Variants in CHRM3 observed in about 807,000 individuals in gnomAD.
The protein encoded by CHRM3 is muscarinic acetylcholine receptor M3.
CHRM3 carries 11 observed loss-of-function variants against 41.8 expected under a neutral mutation model. That is an observed-to-expected ratio of 0.26 (90% CI 0.17 to 0.44). CHRM3 has a LOEUF of 0.44. CHRM3 is among the 20% of genes least tolerant of loss of function. The pLI is 1.00. For synonymous variants in CHRM3, 297 were observed against 301.4 expected (o/e 0.99, Z 0.15); for missense variants, 571 against 745.4 (o/e 0.77, Z 2.72).
At chr1:239,806,134 G>A (rs1486547917) in intron 5 of CHRM3, among the ~76,000 whole-genome samples, 2 of 152,152 alleles carry the variant, frequency 1.3e-5, no homozygotes, top group Admixed American at 6.5e-5. Flanking sequence ...CTGAGATGTC[G>A]TAATTAGCCC....
chr1:239,757,144 A>G (rs1666310846), intron 5 of CHRM3, among the ~76,000 whole-genome samples: 1 of 152,232 alleles, frequency 6.6e-6, no homozygotes, highest in Non-Finnish European at 1.5e-5. Flanking sequence ...AATGTATGAA[A>G]GGTTTTTAAA....
At chr1:239,617,957 A>C (rs1352231936) in intron 3 of CHRM3, among the ~76,000 whole-genome samples, 3 of 152,038 alleles carry the variant, frequency 2.0e-5, no homozygotes, top group African/African-American at 7.2e-5. Context: ...GTTTCCTGGC[A>C]GTATTGCTAA....
intron 5 of CHRM3, among the ~76,000 whole-genome samples, chr1:239,734,598 A>G (rs1383357597): frequency 2.0e-5 from 3 of 152,138 alleles, no homozygotes; most frequent in African/African-American, 7.2e-5. Flanking sequence ...AGGAAATGTT[A>G]TCCTTTTTGA....
intron 6 of CHRM3, among the ~76,000 whole-genome samples, chr1:239,881,152 G>A (rs1444555803): frequency 1.3e-5 from 2 of 151,620 alleles, no homozygotes; most frequent in African/African-American, 2.4e-5. Flanking sequence ...GCGTGGTGGT[G>A]GGCGCCTGTA....
At chr1:239,529,906 A>T (rs147275300) in intron 2 of CHRM3, among the ~76,000 whole-genome samples, 6,329 of 150,964 alleles carry the variant, frequency 0.042, 259 homozygotes, top group African/African-American at 0.1. Context: ...TATTATTATT[A>T]TTTTTTTTTG....
intron 5 of CHRM3, among the ~76,000 whole-genome samples, chr1:239,794,877 C>G (rs182551091): frequency 7.1e-4 from 108 of 152,220 alleles, no homozygotes; most frequent in Non-Finnish European, 1.4e-3. Context: ...TTTTAAAAAG[C>G]AGAATAGCCA....
chr1:239,759,154 TG>T (rs201694320), intron 5 of CHRM3, among the ~76,000 whole-genome samples: 3,871 of 142,698 alleles, frequency 0.027, 149 homozygotes, highest in East Asian at 0.12. Flanking sequence ...CTGAGCTTTA[TG>T]GGTTTTTTTT....
chr1:239,580,644 T>C (rs1662785263), intron 3 of CHRM3, among the ~76,000 whole-genome samples: 1 of 138,928 alleles, frequency 7.2e-6, no homozygotes, highest in Non-Finnish European at 1.5e-5. Context: ...TTGCTCTCAT[T>C]TGTATGTGAT....
At chr1:239,402,621 C>G (rs183481854) in intron 1 of CHRM3, among the ~76,000 whole-genome samples, 6 of 152,256 alleles carry the variant, frequency 3.9e-5, no homozygotes, top group African/African-American at 1.4e-4. Context: ...GGAAACCACA[C>G]TTCCAAATTT....
chr1:239,633,629 G>T (rs1398251692), intron 4 of CHRM3, among the ~76,000 whole-genome samples: 1 of 152,156 alleles, frequency 6.6e-6, no homozygotes, highest in African/African-American at 2.4e-5. Flanking sequence ...CTCAGTCATG[G>T]TCCCTGGGGA....
At chr1:239,519,872 C>T (rs1313798154) in intron 2 of CHRM3, among the ~76,000 whole-genome samples, 2 of 151,068 alleles carry the variant, frequency 1.3e-5, no homozygotes, top group African/African-American at 4.9e-5. Context: ...CTCAGCCTCC[C>T]TAGTAGCTGG....
chr1:239,803,640 T>G (rs1257452845), intron 5 of CHRM3, among the ~76,000 whole-genome samples: 3 of 152,204 alleles, frequency 2.0e-5, no homozygotes, highest in Non-Finnish European at 4.4e-5. Context: ...ATGTCAAGTT[T>G]AATCATAGAT....
chr1:239,641,816 A>T (rs1256711944), intron 4 of CHRM3, among the ~76,000 whole-genome samples: 12 of 122,578 alleles, frequency 9.8e-5, no homozygotes, highest in East Asian at 2.1e-4. Flanking sequence ...TTATGATGTT[A>T]GCTGGTTATT....
chr1:239,393,851 G>A (rs1168453377), intron 1 of CHRM3, among the ~76,000 whole-genome samples: 13 of 152,174 alleles, frequency 8.5e-5, no homozygotes, highest in Non-Finnish European at 1.5e-4. Flanking sequence ...CTTCATGAGA[G>A]TATATAAGTA....
rs549135256 is a variant in CHRM3 at position 239,651,032 on chromosome 1, C to T, written c.-250+18746C>T. ...GATTTCTGAATGGAATCATAAGGCT[C>T]ATGACAGCAAACCTAGCTCAGTGCC... On this transcript the variant is annotated intron_variant, in intron 4 of 6. Transcript: ENST00000676153. Among the ~76,000 whole-genome samples the T allele has an allele frequency of 1.4e-4, 21 of 152,250 alleles. No individual in the cohort carries two copies. The South Asian group carries it at 3.7e-3, about 27-fold the overall frequency.
At chr1:239,435,139 C>T (rs1663134868) in intron 1 of CHRM3, among the ~76,000 whole-genome samples, 1 of 152,178 alleles carries the variant, frequency 6.6e-6, no homozygotes, top group Non-Finnish European at 1.5e-5. Context: ...ATGCTTAATG[C>T]TTTTAAGAGT....
intron 4 of CHRM3, among the ~76,000 whole-genome samples, chr1:239,668,662 T>G (rs1674062388): frequency 6.6e-6 from 1 of 152,222 alleles, no homozygotes; most frequent in South Asian, 2.1e-4. Context: ...GCTCAAACAT[T>G]CTGATGCTTT....
intron 6 of CHRM3, among the ~76,000 whole-genome samples, chr1:239,866,197 G>A (rs1271841339): frequency 6.6e-6 from 1 of 152,096 alleles, no homozygotes; most frequent in Non-Finnish European, 1.5e-5. Flanking sequence ...CTAACACGGT[G>A]AAACCCCGTC....
intron 5 of CHRM3, among the ~76,000 whole-genome samples, chr1:239,765,696 C>T (rs1029459444): frequency 2.6e-5 from 4 of 151,774 alleles, no homozygotes; most frequent in African/African-American, 4.8e-5. Flanking sequence ...TGTATGGATA[C>T]GTTAAAAAGG....
Sources: allele counts gnomAD v4.1 joint callset (sites outside exome capture counted in the v4.1 genomes callset), GRCh38; gene constraint gnomAD v4.1.1; transcripts MANE v1.5; gene names NCBI Gene and HGNC (gene_info 2026-07-23, HGNC 2026-07-21).